The following OXR1 variants were observed in gnomAD, a reference collection of about 807,000 sequenced individuals.
OXR1 encodes the protein oxidation resistance protein 1.
In OXR1, 41 loss-of-function variants were observed where a neutral mutation model predicts 104.6. The observed-to-expected ratio is 0.39, with a 90% CI of 0.31 to 0.51. The LOEUF (loss-of-function observed/expected upper bound fraction) is 0.51, where lower values mean the gene tolerates loss of function less well. Ranked by LOEUF, OXR1 falls within the 20% of genes least tolerant of loss-of-function variation. The probability of loss-of-function intolerance (pLI) is 0.77; values close to 1 mark genes in which losing one functional copy is unlikely to be tolerated. For synonymous variants in OXR1, 348 were observed against 348.4 expected, an observed-to-expected ratio of 1.00 and a Z score of 0.01; for missense variants, 955 against 1,031.9, an observed-to-expected ratio of 0.93 and a Z score of 1.02.
At chr8:106,285,582 C>T (rs956889022) in intron 1 of OXR1, among the ~76,000 whole-genome samples, 7 of 151,960 alleles carry the variant, frequency 4.6e-5, no homozygotes, top group Non-Finnish European at 8.8e-5. Context: ...GCTGAAACAG[C>T]TGGCCTCCAC....
chr8:106,673,247 G>C (rs1165217860), intron 3 of OXR1, among the ~76,000 whole-genome samples: 1 of 152,220 alleles, frequency 6.6e-6, no homozygotes, highest in African/African-American at 2.4e-5. Context: ...TGAGGAATTT[G>C]TTGGGAACTG....
At chr8:106,570,559 TAC>T (rs1817399979) in intron 3 of OXR1, among the ~76,000 whole-genome samples, 1 of 152,154 alleles carries the variant, frequency 6.6e-6, no homozygotes, top group African/African-American at 2.4e-5. Flanking sequence ...GTGCCTGAAG[TAC>T]AGAGGTCAGC....
At chr8:106,714,418 T>C (rs1330918136) in intron 11 of OXR1, among the ~76,000 whole-genome samples, 3 of 152,198 alleles carry the variant, frequency 2.0e-5, no homozygotes, top group South Asian at 4.1e-4. Context: ...TTGCATAGCA[T>C]CTATACAAAT....
At chr8:106,670,891 A>T (rs1826876490) in intron 3 of OXR1, among the ~76,000 whole-genome samples, 1 of 151,950 alleles carries the variant, frequency 6.6e-6, no homozygotes, top group Non-Finnish European at 1.5e-5. Context: ...TCTACTAAAA[A>T]TATAAAAATC....
At chr8:106,476,833 T>A (rs1243976836) in intron 2 of OXR1, among the ~76,000 whole-genome samples, 2 of 151,998 alleles carry the variant, frequency 1.3e-5, no homozygotes, top group Non-Finnish European at 2.9e-5. Flanking sequence ...TCCTTTAATT[T>A]GTCATATAAT....
At chr8:106,528,601 T>C (rs1813863466) in intron 3 of OXR1, among the ~76,000 whole-genome samples, 2 of 152,242 alleles carry the variant, frequency 1.3e-5, no homozygotes, top group Non-Finnish European at 2.9e-5. Flanking sequence ...ATTTAACTGC[T>C]TTTTAATTGC....
At chr8:106,293,528 G>A (rs1812844717) in intron 1 of OXR1, among the ~76,000 whole-genome samples, 4 of 152,204 alleles carry the variant, frequency 2.6e-5, no homozygotes. Flanking sequence ...ACTTTGTGGA[G>A]CAATGCCTTC....
intron 1 of OXR1, among the ~76,000 whole-genome samples, chr8:106,303,208 A>T (rs1391709947): frequency 6.9e-6 from 1 of 144,194 alleles, no homozygotes; most frequent in Non-Finnish European, 1.5e-5. Flanking sequence ...ACTTTATTGG[A>T]TGCTTACTCT....
At position 106,524,790 on chromosome 8, in the gene OXR1, TGAGG is replaced by T. The variant is rs202044039; in HGVS notation, c.220+5657_220+5660del. 1.1e-4 allele frequency among the ~76,000 whole-genome samples: 17 copies of T among 152,132 alleles called. No individual in the cohort carries two copies. The East Asian group carries it at 2.7e-3, about 24-fold the overall frequency. Reference sequence around the variant, plus strand: ...GGGAGAGAGGGTGGTGTGTAATGAATGAGGGAGGGGGCAGCAGGAGCCAAGGGAT... The same window carrying T: ...GGGAGAGAGGGTGGTGTGTAATGAATGAGGGGGCAGCAGGAGCCAAGGGAT... On this transcript the variant is annotated intron_variant, in intron 3 of 16. Coordinates refer to ENST00000517566, the MANE Select transcript of OXR1 (RefSeq NM_001198533.2).
rs1179643181 is a variant in OXR1 at position 106,706,732 on chromosome 8, A to C, written c.1211A>C (p.Glu404Ala). Residue 404 changes from glutamate to alanine, a missense_variant, in exon 9 of 17, where the codon GAA (glutamate) becomes GCA (alanine). Physicochemically the swap from Glu to Ala is moderately radical, Grantham distance 107 (BLOSUM62 -1). Transcript: ENST00000517566. ...LRSDTEHSTN[E>A]VGTLCHKTDL... ...TCTGATACTGAACATTCTACAAATG[A>C]AGTTGGGACTTTATGTCATAAAACT... is the stretch of plus-strand genomic sequence containing the variant. The C allele has an allele frequency of 1.9e-6, 3 of 1,611,434 alleles. No individual in the cohort carries two copies. The highest frequency in any genetic ancestry group is 2.7e-5 in the African/African-American group (2 of 74,734).
chr8:106,566,628 T>C (rs7843866), intron 3 of OXR1, among the ~76,000 whole-genome samples: 109,010 of 152,084 alleles, frequency 0.72, 39,320 homozygotes, highest in African/African-American at 0.78. Flanking sequence ...GGGTATATAC[T>C]CAAAGGATTA....
intron 3 of OXR1, among the ~76,000 whole-genome samples, chr8:106,567,933 A>G (rs1817200768): frequency 6.6e-6 from 1 of 152,158 alleles, no homozygotes; most frequent in Non-Finnish European, 1.5e-5. Context: ...TTGCTTCATG[A>G]TTCAAATTAT....
At position 106,364,832 on chromosome 8, in the gene OXR1, G is replaced by C. The variant is rs533642599; in HGVS notation, c.23+5196G>C. 5.3e-5 allele frequency among the ~76,000 whole-genome samples: 8 copies of C among 152,264 alleles called. No individual in the cohort carries two copies. The East Asian group carries it at 1.4e-3, about 26-fold the overall frequency. Reference sequence around the variant, plus strand: ...ACAGAAGCAGCCACTTCATTTTAAGGAGGTGGAATGGGGAAATCAAACTCT... The same window carrying C: ...ACAGAAGCAGCCACTTCATTTTAAGCAGGTGGAATGGGGAAATCAAACTCT... On this transcript the variant is annotated intron_variant, in intron 2 of 16. Coordinates refer to ENST00000517566, the MANE Select transcript of OXR1 (RefSeq NM_001198533.2).
intron 3 of OXR1, among the ~76,000 whole-genome samples, chr8:106,549,647 C>T (rs1251230251): frequency 1.3e-5 from 2 of 152,140 alleles, no homozygotes; most frequent in African/African-American, 4.8e-5. Context: ...AGTTCAAGAT[C>T]AACGCACCTG....
At chr8:106,291,589 G>A (rs2130042475) in intron 1 of OXR1, among the ~76,000 whole-genome samples, 1 of 152,276 alleles carries the variant, frequency 6.6e-6, no homozygotes, top group South Asian at 2.1e-4. Flanking sequence ...ATCACAGTCT[G>A]AAAATATTAA....
At chr8:106,622,334 C>T (rs1485290911) in intron 3 of OXR1, among the ~76,000 whole-genome samples, 1 of 152,126 alleles carries the variant, frequency 6.6e-6, no homozygotes. Context: ...CCACCCCAGT[C>T]AGTTTTCAGT....
At chr8:106,581,616 T>G (rs923338057) in intron 3 of OXR1, among the ~76,000 whole-genome samples, 1 of 152,216 alleles carries the variant, frequency 6.6e-6, no homozygotes, top group African/African-American at 2.4e-5. Flanking sequence ...ATGTCTTTTT[T>G]CATTTTAAAC....
At chr8:106,665,459 A>G (rs1441292965) in intron 3 of OXR1, among the ~76,000 whole-genome samples, 1 of 152,174 alleles carries the variant, frequency 6.6e-6, no homozygotes, top group Non-Finnish European at 1.5e-5. Context: ...TATGTAAGAG[A>G]ACTTAGTTAC....
At chr8:106,733,757 C>T in intron 11 of OXR1, among the ~76,000 whole-genome samples, 1 of 143,414 alleles carries the variant, frequency 7.0e-6, no homozygotes, top group Non-Finnish European at 1.5e-5. Flanking sequence ...ACCCAGGAGG[C>T]AGAGATTGCA....
Sources: gnomAD v4.1 joint callset for allele counts (sites outside exome capture counted in the v4.1 genomes callset) on GRCh38, gnomAD v4.1.1 for gene constraint, MANE v1.5 for transcripts, NCBI Gene and HGNC (gene_info 2026-07-23, HGNC 2026-07-21) for gene names.